Variants in SLC36A1 observed in about 807,000 individuals in gnomAD.
SLC36A1 encodes proton-coupled amino acid transporter 1.
In SLC36A1, 30 loss-of-function variants were observed where a neutral mutation model predicts 47.5. The ratio of observed to expected loss-of-function variants is 0.63; its 90% confidence interval spans 0.47 to 0.86. The LOEUF is 0.86. SLC36A1 is among the 40% of genes least tolerant of loss of function. The pLI is 0.00. For synonymous variants in SLC36A1, 255 were observed against 249.7 expected, an observed-to-expected ratio of 1.02 and a Z score of -0.20; for missense variants, 517 against 606.0, an observed-to-expected ratio of 0.85 and a Z score of 1.54.
chr5:151,542,087 C>G, the SLC36A1 span, among the ~76,000 whole-genome samples: 1 of 152,148 alleles, frequency 6.6e-6, no homozygotes, highest in African/African-American at 2.4e-5. Flanking sequence ...CAGATCTTAC[C>G]AGCATGCCTG....
At chr5:151,468,827 C>G (rs1756951269) in intron 7 of SLC36A1, among the ~76,000 whole-genome samples, 1 of 152,092 alleles carries the variant, frequency 6.6e-6, no homozygotes, top group Non-Finnish European at 1.5e-5. Context: ...TTTTTCTAAC[C>G]TGTATTTAGA....
chr5:151,461,585 C>T (rs147726681), intron 2 of SLC36A1, among the ~76,000 whole-genome samples: 1 of 152,300 alleles, frequency 6.6e-6, no homozygotes, highest in Admixed American at 6.5e-5. Flanking sequence ...GGCTAAAACT[C>T]TCTTCATAAT....
chr5:151,389,883 C>G, the SLC36A1 span, among the ~76,000 whole-genome samples: 1 of 148,430 alleles, frequency 6.7e-6, no homozygotes, highest in African/African-American at 2.6e-5. Flanking sequence ...GTGCATGTGT[C>G]TTTATAGCAG....
At chr5:151,361,079 A>G in the SLC36A1 span, among the ~76,000 whole-genome samples, 8 of 152,316 alleles carry the variant, frequency 5.3e-5, no homozygotes, top group South Asian at 1.7e-3. Flanking sequence ...CTTCTGCAGA[A>G]ATTTATTGTT....
chr5:151,509,822 C>T, the SLC36A1 span: 17 of 595,920 alleles, frequency 2.9e-5, no homozygotes, highest in East Asian at 7.9e-5. Flanking sequence ...CTGCCTGGTC[C>T]GTGGAAAAAG....
intron 1 of SLC36A1, among the ~76,000 whole-genome samples, chr5:151,448,083 A>G (rs1753092366): frequency 1.3e-5 from 2 of 152,316 alleles, no homozygotes; most frequent in South Asian, 4.1e-4. Flanking sequence ...CGTTTCCAGC[A>G]AATGTCTTGC....
the SLC36A1 span, among the ~76,000 whole-genome samples, chr5:151,413,312 T>C: frequency 5.4e-5 from 8 of 149,512 alleles, no homozygotes; most frequent in African/African-American, 1.5e-4. Flanking sequence ...GAGTGAAAAA[T>C]TGTCTTTGGA....
intron 1 of SLC36A1, among the ~76,000 whole-genome samples, chr5:151,449,508 C>G (rs1753292478): frequency 6.6e-6 from 1 of 152,174 alleles, no homozygotes; most frequent in Non-Finnish European, 1.5e-5. Flanking sequence ...GCTCTGGAGT[C>G]CTTGTTTTCC....
chr5:151,367,374 T>TTTTTTTTTTTTTTTC, the SLC36A1 span, among the ~76,000 whole-genome samples: 79 of 145,512 alleles, frequency 5.4e-4, 2 homozygotes, highest in African/African-American at 1.9e-3. Flanking sequence ...TTTTTTTTTT[T>TTTTTTTTTTTTTTTC]CCCCAGGGTA....
At chr5:151,543,883 T>G in the SLC36A1 span, 1 of 1,614,218 alleles carries the variant, frequency 6.2e-7, no homozygotes, top group South Asian at 1.1e-5. Flanking sequence ...AATCAGGTAC[T>G]CCAGGCGGGA....
At chr5:151,538,537 G>A in the SLC36A1 span, among the ~76,000 whole-genome samples, 1 of 152,328 alleles carries the variant, frequency 6.6e-6, no homozygotes, top group African/African-American at 2.4e-5. Flanking sequence ...TGGCAGAGGG[G>A]AAAGGCTGGA....
At chr5:151,349,313 T>A in the SLC36A1 span, among the ~76,000 whole-genome samples, 1 of 151,840 alleles carries the variant, frequency 6.6e-6, no homozygotes, top group Non-Finnish European at 1.5e-5. Context: ...GCATCGTCAG[T>A]GAAAAAAAAG....
At chr5:151,479,742 G>C in intron 10 of SLC36A1, 1 of 537,510 alleles carries the variant, frequency 1.9e-6, no homozygotes, top group Non-Finnish European at 3.3e-6. Context: ...TGCTGTGGAG[G>C]TGGTTATCAT....
chr5:151,438,030 A>G, intron 1 of SLC36A1, among the ~76,000 whole-genome samples: 1 of 152,110 alleles, frequency 6.6e-6, no homozygotes, highest in East Asian at 1.9e-4. Flanking sequence ...CTTGTGATTT[A>G]TACTAGGACC....
the SLC36A1 span, among the ~76,000 whole-genome samples, chr5:151,429,366 A>C: frequency 4.0e-5 from 4 of 99,682 alleles, no homozygotes; most frequent in African/African-American, 1.6e-4. Context: ...ACCCCACAAC[A>C]GTCCCTGGAG....
chr5:151,373,810 C>G, the SLC36A1 span, among the ~76,000 whole-genome samples: 10 of 152,158 alleles, frequency 6.6e-5, no homozygotes, highest in Admixed American at 1.3e-4. Flanking sequence ...TCATAGCTCA[C>G]TGCAACCTCA....
chr5:151,521,151 G>T, the SLC36A1 span: 1 of 914,054 alleles, frequency 1.1e-6, no homozygotes, highest in African/African-American at 1.7e-5. Context: ...GGTGATTGGT[G>T]GCCTTTGGGC....
At chr5:151,550,617 C>T in the SLC36A1 span, 1 of 1,614,144 alleles carries the variant, frequency 6.2e-7, no homozygotes, top group Admixed American at 1.7e-5. Flanking sequence ...GCTGGGAGGG[C>T]CCCGAGCCGA....
upstream of SLC36A1, among the ~76,000 whole-genome samples, chr5:151,436,073 TATTCATA>T (rs556341448): frequency 0.032 from 4,938 of 152,186 alleles, 255 homozygotes; most frequent in African/African-American, 0.11. Context: ...ATGAATTGCC[TATTCATA>T]TATGAACATC....
Sources: gnomAD v4.1 joint callset for allele counts (sites outside exome capture counted in the v4.1 genomes callset) on GRCh38, gnomAD v4.1.1 for gene constraint, MANE v1.5 for transcripts, NCBI Gene and HGNC (gene_info 2026-07-23, HGNC 2026-07-21) for gene names.